Variants in DPP6 observed in about 807,000 individuals in gnomAD.
The protein encoded by DPP6 is A-type potassium channel modulatory protein DPP6.
A neutral mutation model predicts 122.6 loss-of-function variants in DPP6; 69 were observed. The ratio of observed to expected loss-of-function variants is 0.56; its 90% confidence interval spans 0.46 to 0.69. The LOEUF (loss-of-function observed/expected upper bound fraction) is 0.69, where lower values mean the gene tolerates loss of function less well. DPP6 is among the 30% of genes least tolerant of loss of function. The probability of loss-of-function intolerance (pLI) is 0.00; values close to 1 mark genes in which losing one functional copy is unlikely to be tolerated. For synonymous variants in DPP6, 418 were observed against 433.1 expected (o/e 0.97, Z 0.43); for missense variants, 928 against 1,116.9 (o/e 0.83, Z 2.41).
chr7:154,511,051 A>G lies in DPP6; in HGVS notation c.458-29481A>G, dbSNP rs541520319. ...ATAACCATGCAGTAAATATTCTTGCATGTTCTCCAGTAAGGAATGTATTTT... is the reference window on the plus strand; with the variant it reads ...ATAACCATGCAGTAAATATTCTTGCGTGTTCTCCAGTAAGGAATGTATTTT... On this transcript the variant is annotated intron_variant, in intron 3 of 25. Transcript: ENST00000377770. Among the ~76,000 whole-genome samples, 4 of 152,186 alleles carry G rather than the reference A, an allele frequency of 2.6e-5. No individual in the cohort carries two copies. The South Asian group carries it at 6.2e-4, about 24-fold the overall frequency.
chr7:154,556,930 T>G (rs993163358), intron 4 of DPP6, among the ~76,000 whole-genome samples: 175 of 152,198 alleles, frequency 1.1e-3, no homozygotes, highest in Non-Finnish European at 2.1e-3. Context: ...GTTAGATGTT[T>G]TTTTGCATTC....
rs1015193890 is a variant in DPP6 at position 154,867,986 on chromosome 7, C to G, written c.1715-9C>G. On this transcript the variant is annotated splice_polypyrimidine_tract_variant and intron_variant, in intron 17 of 25. Transcript: ENST00000377770. ...GCATCTCAGTGTGTCCCTGTTTCCT[C>G]TCTTTCAGAAATGTTTGACCTAGAA... is the stretch of plus-strand genomic sequence containing the variant. 14 of 1,586,644 alleles carry G rather than the reference C, an allele frequency of 8.8e-6. No individual in the cohort carries two copies. The highest frequency in any genetic ancestry group is 1.1e-5 in the Non-Finnish European group (13 of 1,166,382).
intron 6 of DPP6, among the ~76,000 whole-genome samples, chr7:154,668,218 T>TAA (rs1277002362): frequency 9.2e-6 from 1 of 108,804 alleles, no homozygotes; most frequent in African/African-American, 3.1e-5. Flanking sequence ...TATATATATA[T>TAA]AATATACACA....
chr7:154,300,302 C>T lies in DPP6; in HGVS notation c.244-145912C>T, dbSNP rs145608286. On this transcript the variant is annotated intron_variant, in intron 1 of 25. Transcript: ENST00000377770. ...TGCAGTCTTTGCTAAGTGTGTTTAT[C>T]GGCCACCACGAGAGTACTTAGCTGC... Among the ~76,000 whole-genome samples the T allele has an allele frequency of 2.8e-3, 423 of 152,276 alleles. 3 individuals are homozygous for T. Among genetic ancestry groups the T allele is most frequent in the African/African-American group, 9.4e-3 (391 of 41,560 alleles).
chr7:153,763,533 G>A, the DPP6 span, among the ~76,000 whole-genome samples: 2 of 152,116 alleles, frequency 1.3e-5, no homozygotes, highest in Non-Finnish European at 1.5e-5. Flanking sequence ...TGTGGCGAGA[G>A]ACAAAAGGGA....
At chr7:154,576,062 A>G (rs1010303007) in intron 5 of DPP6, among the ~76,000 whole-genome samples, 4 of 152,048 alleles carry the variant, frequency 2.6e-5, no homozygotes, top group African/African-American at 9.7e-5. Context: ...AGGGGTTGTC[A>G]TAAGTGGCAG....
At chr7:153,815,125 A>G in the DPP6 span, among the ~76,000 whole-genome samples, 1 of 152,166 alleles carries the variant, frequency 6.6e-6, no homozygotes, top group East Asian at 1.9e-4. Context: ...TAGGCAGGAG[A>G]AGGAAATAAA....
intron 5 of DPP6, among the ~76,000 whole-genome samples, chr7:154,592,139 C>T (rs912356666): frequency 6.6e-6 from 1 of 152,186 alleles, no homozygotes. Context: ...ATGACAGGAT[C>T]TGCTGTTATC....
intron 2 of DPP6, among the ~76,000 whole-genome samples, chr7:154,471,562 C>G (rs762936545): frequency 2.8e-4 from 42 of 152,130 alleles, no homozygotes; most frequent in Middle Eastern, 6.8e-3. Context: ...GCCTAAATGA[C>G]CACCAAGACT....
intron 1 of DPP6, among the ~76,000 whole-genome samples, chr7:154,138,266 A>G (rs1268454177): frequency 6.6e-6 from 1 of 152,224 alleles, no homozygotes; most frequent in Non-Finnish European, 1.5e-5. Context: ...ACACTTCTCC[A>G]GAAGGAACTA....
chr7:154,061,635 CTG>C (rs1801912395), intron 1 of DPP6, among the ~76,000 whole-genome samples: 3 of 140,354 alleles, frequency 2.1e-5, no homozygotes, highest in East Asian at 2.0e-4. Flanking sequence ...GAGGCACCCG[CTG>C]CGAGGCGGGG....
At chr7:154,429,222 C>T (rs930698118) in intron 1 of DPP6, among the ~76,000 whole-genome samples, 2 of 150,698 alleles carry the variant, frequency 1.3e-5, no homozygotes, top group African/African-American at 4.9e-5. Context: ...TTGTTTTGAT[C>T]AAATGAATGA....
chr7:153,825,723 C>A, the DPP6 span, among the ~76,000 whole-genome samples: 1 of 152,158 alleles, frequency 6.6e-6, no homozygotes, highest in Admixed American at 6.5e-5. Context: ...CAACGCCCGG[C>A]AAATTTTTTG....
chr7:154,062,297 C>CA (rs1388708389), intron 1 of DPP6, among the ~76,000 whole-genome samples: 4 of 79,932 alleles, frequency 5.0e-5, no homozygotes, highest in Non-Finnish European at 7.5e-5. Context: ...CCTCTTCCCC[C>CA]CCGGCTCTGA....
chr7:154,269,729 G>A (rs991293550), intron 1 of DPP6, among the ~76,000 whole-genome samples: 1 of 152,058 alleles, frequency 6.6e-6, no homozygotes, highest in African/African-American at 2.4e-5. Context: ...CTGTACTATT[G>A]CTGAGATTTT....
intron 1 of DPP6, among the ~76,000 whole-genome samples, chr7:153,915,041 A>C (rs1357447528): frequency 6.6e-6 from 1 of 152,204 alleles, no homozygotes; most frequent in Non-Finnish European, 1.5e-5. Context: ...TCAGCAGTAG[A>C]ATCTTTTCTG....
intron 3 of DPP6, among the ~76,000 whole-genome samples, chr7:154,507,952 T>C (rs552233530): frequency 7.1e-6 from 1 of 141,542 alleles, no homozygotes; most frequent in African/African-American, 2.5e-5. Context: ...GAAGAACTTA[T>C]TATTAATCTC....
At chr7:154,408,265 A>G (rs1056254342) in intron 1 of DPP6, among the ~76,000 whole-genome samples, 7 of 152,312 alleles carry the variant, frequency 4.6e-5, no homozygotes, top group South Asian at 2.1e-4. Flanking sequence ...CCTGTATTCA[A>G]TGTGTAAATA....
the DPP6 span, among the ~76,000 whole-genome samples, chr7:153,824,875 A>G: frequency 2.0e-5 from 3 of 151,964 alleles, no homozygotes; most frequent in Non-Finnish European, 4.4e-5. Context: ...CCTGAATTCT[A>G]AGGACTAGTA....
Sources: allele counts gnomAD v4.1 joint callset (sites outside exome capture counted in the v4.1 genomes callset), GRCh38; gene constraint gnomAD v4.1.1; transcripts MANE v1.5; gene names NCBI Gene and HGNC (gene_info 2026-07-23, HGNC 2026-07-21).